ZIM2: variants seen among roughly 807,000 people sequenced by gnomAD.
ZIM2 encodes zinc finger imprinted 2, also known as zinc finger protein 656.
Under a neutral mutation model 38.6 loss-of-function variants are expected in ZIM2, and 14 were observed. That is an observed-to-expected ratio of 0.36 (90% CI 0.24 to 0.57). ZIM2 has a LOEUF of 0.57. Ranked by LOEUF, ZIM2 falls within the 20% of genes least tolerant of loss-of-function variation. The pLI, the probability that ZIM2 is intolerant of heterozygous loss-of-function variation, is 0.81. For missense variants in ZIM2, 680 were observed against 695.1 expected (o/e 0.98, Z 0.24); for synonymous variants, 247 against 245.8 (o/e 1.00, Z -0.04).
At chr19:56,817,537 C>G in intron 9 of ZIM2, 1 of 1,599,228 alleles carries the variant, frequency 6.3e-7, no homozygotes, top group Non-Finnish European at 8.5e-7. Flanking sequence ...ACAAATCCCC[C>G]GCCGGTGGGT....
intron 9 of ZIM2, among the ~76,000 whole-genome samples, chr19:56,801,296 A>G (rs1170571265): frequency 1.3e-5 from 2 of 152,054 alleles, no homozygotes; most frequent in African/African-American, 4.8e-5. Context: ...TTAATTCTAT[A>G]ATCTTTGACC....
rs771285425 is a variant in ZIM2 at position 56,817,216 on chromosome 19, C to A, written c.490+530G>T. On this transcript the variant is annotated intron_variant, in intron 9 of 12. Transcript: ENST00000629319. Reference sequence around the variant, plus strand: ...TTCAAAGGGCTTCTTCCTGGGACAGCCTTTTTGATCGTGAATCGAGCCCTT... The same window carrying A: ...TTCAAAGGGCTTCTTCCTGGGACAGACTTTTTGATCGTGAATCGAGCCCTT... The A allele has an allele frequency of 8.1e-6, 13 of 1,614,184 alleles. No homozygotes were observed. The Admixed American group carries it at 1.0e-4, about 12-fold the overall frequency.
rs1206522472 is a variant in ZIM2 at position 56,810,560 on chromosome 19, ATGAG to A, written c.490+7182_490+7185del. 3 of 941,256 alleles carry A rather than the reference ATGAG, an allele frequency of 3.2e-6. No individual in the cohort carries two copies. In the Admixed American group the frequency reaches 1.8e-4, roughly 58 times the overall value. 58.3% of individuals were successfully genotyped at this position (941,256 alleles called of 1,614,324 possible). ...CTTTACTGAATTTCCAAAGTTTTGT[ATGAG>A]TATGTATTATATTTGTAATGGAAAA... is the stretch of plus-strand genomic sequence containing the variant. On this transcript the variant is annotated intron_variant, in intron 9 of 12. Transcript: ENST00000629319.
rs775853606 is a variant in ZIM2 at position 56,824,617 on chromosome 19, C to G, written c.-150-190G>C. On this transcript the variant is annotated intron_variant, in intron 3 of 12. Coordinates refer to ENST00000629319, the MANE Select transcript of ZIM2 (RefSeq NM_001387356.1). ...CATACAGATTTGGGGCCCAGGACTT[C>G]TTAGGTTTGGTGGCAGACAAGTGCT... 1.9e-6 allele frequency: 3 copies of G among 1,607,368 alleles called. No individual in the cohort carries two copies. In the South Asian group the frequency reaches 3.3e-5, roughly 18 times the overall value.
intron 9 of ZIM2, among the ~76,000 whole-genome samples, chr19:56,805,878 T>C (rs1051086756): frequency 2.0e-5 from 3 of 152,186 alleles, no homozygotes; most frequent in African/African-American, 7.2e-5. Flanking sequence ...TGGAGGGTAT[T>C]TAGCAAGTTG....
At chr19:56,826,880 G>A (rs1291884976) in intron 2 of ZIM2, among the ~76,000 whole-genome samples, 1 of 152,120 alleles carries the variant, frequency 6.6e-6, no homozygotes, top group Non-Finnish European at 1.5e-5. Context: ...ACATATATAT[G>A]CTTCTATTCT....
chr19:56,821,802 G>A, intron 6 of ZIM2, 48 bp from the exon 7 acceptor site: 3 of 1,602,466 alleles, frequency 1.9e-6, no homozygotes, highest in Non-Finnish European at 2.6e-6. Flanking sequence ...AGTCCATCCT[G>A]CAGGTCCCAG....
At chr19:56,838,546 C>T (rs559805947) in intron 1 of ZIM2, among the ~76,000 whole-genome samples, 1 of 152,324 alleles carries the variant, frequency 6.6e-6, no homozygotes, top group East Asian at 1.9e-4. Context: ...GATGGAACCA[C>T]ACGCATCCTG....
At chr19:56,816,654 A>G (rs1388487126) in intron 9 of ZIM2, 2 of 1,613,208 alleles carry the variant, frequency 1.2e-6, no homozygotes, top group Non-Finnish European at 1.7e-6. Flanking sequence ...GTTCACGTTC[A>G]TGTTCACGCT....
At position 56,789,960 on chromosome 19, in the gene ZIM2, G is replaced by C; in HGVS notation, c.491-9C>G. The C allele has an allele frequency of 1.3e-6, 2 of 1,542,180 alleles. No individual in the cohort carries two copies. The highest frequency in any genetic ancestry group is 1.8e-6 in the Non-Finnish European group (2 of 1,132,056). ...GTCCTGAGCAAGGAAACCTAGAAGG[G>C]AGAGAGGAATACCATGGAATTGAGT... On this transcript the variant is annotated splice_polypyrimidine_tract_variant and intron_variant, in intron 9 of 12. Transcript: ENST00000629319.
chr19:56,835,616 T>G (rs2062015580), intron 2 of ZIM2, among the ~76,000 whole-genome samples: 1 of 152,224 alleles, frequency 6.6e-6, no homozygotes, highest in Non-Finnish European at 1.5e-5. Flanking sequence ...TTCCACAGCT[T>G]TAATTCCCAA....
At chr19:56,811,795 C>G (rs1158403379) in intron 9 of ZIM2, 1 of 985,366 alleles carries the variant, frequency 1.0e-6, no homozygotes, top group Non-Finnish European at 1.2e-6. Flanking sequence ...ACTCCTTTTC[C>G]AAACTGCTCA....
intron 9 of ZIM2, chr19:56,815,947 C>A (rs2146184692): frequency 6.3e-7 from 1 of 1,596,048 alleles, no homozygotes; most frequent in Non-Finnish European, 8.5e-7. Flanking sequence ...GATAACAGAC[C>A]TACTGTATTC....
chr19:56,794,081 A>G (rs1354207315), intron 9 of ZIM2, among the ~76,000 whole-genome samples: 1 of 152,198 alleles, frequency 6.6e-6, no homozygotes, highest in Admixed American at 6.5e-5. Flanking sequence ...TAGCTGTATT[A>G]TAGTTGTAGG....
chr19:56,793,807 A>C, intron 9 of ZIM2, among the ~76,000 whole-genome samples: 1 of 152,196 alleles, frequency 6.6e-6, no homozygotes, highest in East Asian at 1.9e-4. Flanking sequence ...CTGTTGAATG[A>C]AAGAAACCAG....
chr19:56,822,114 C>G (rs111541036), intron 6 of ZIM2, among the ~76,000 whole-genome samples: 1 of 152,146 alleles, frequency 6.6e-6, no homozygotes, highest in African/African-American at 2.4e-5. Flanking sequence ...CATCAGAGAC[C>G]GTCCCACAGG....
chr19:56,803,437 T>C (rs1026038975), intron 9 of ZIM2, among the ~76,000 whole-genome samples: 1 of 152,222 alleles, frequency 6.6e-6, no homozygotes, highest in African/African-American at 2.4e-5. Flanking sequence ...ACTGAAGTTA[T>C]ACAAGCCAGC....
intron 2 of ZIM2, among the ~76,000 whole-genome samples, chr19:56,832,741 T>C (rs1297898910): frequency 6.6e-6 from 1 of 152,164 alleles, no homozygotes; most frequent in Non-Finnish European, 1.5e-5. Context: ...GGAAGGGTGC[T>C]TCTGGGAGTC....
intron 2 of ZIM2, chr19:56,833,585 T>G (rs1377104125): frequency 1.1e-5 from 2 of 181,762 alleles, no homozygotes; most frequent in East Asian, 3.0e-4. Flanking sequence ...AGGGCAGTGG[T>G]TCTCAAACTC....
Sources: gnomAD v4.1 joint callset for allele counts (sites outside exome capture counted in the v4.1 genomes callset) on GRCh38, gnomAD v4.1.1 for gene constraint, MANE v1.5 for transcripts, NCBI Gene and HGNC (gene_info 2026-07-23, HGNC 2026-07-21) for gene names.